Variants in IQSEC1 observed in about 807,000 individuals in gnomAD.
The protein encoded by IQSEC1 is IQ motif and Sec7 domain ArfGEF 1, also known as IQ motif and SEC7 domain-containing protein 1.
Under a neutral mutation model 91.0 loss-of-function variants are expected in IQSEC1, and 31 were observed. The observed-to-expected ratio is 0.34, with a 90% CI of 0.26 to 0.46. IQSEC1 has a LOEUF of 0.46. Among genes scored for constraint, IQSEC1 ranks in the 20% least tolerant of loss-of-function variants. IQSEC1 has a pLI of 1.00. For synonymous variants in IQSEC1, 699 were observed against 662.6 expected (o/e 1.05, Z -0.84); for missense variants, 1,388 against 1,575.6 (o/e 0.88, Z 2.02).
chr3:13,150,288 AG>A (rs1208348779), intron 2 of IQSEC1, among the ~76,000 whole-genome samples: 2 of 152,236 alleles, frequency 1.3e-5, no homozygotes, highest in Non-Finnish European at 2.9e-5. Context: ...ACACCTGGGA[AG>A]TCCTAAATCT....
At chr3:13,145,600 G>A (rs1411685697) in intron 2 of IQSEC1, among the ~76,000 whole-genome samples, 2 of 152,040 alleles carry the variant, frequency 1.3e-5, no homozygotes, top group African/African-American at 4.8e-5. Flanking sequence ...GACCGACTTG[G>A]CCCAACCATG....
Position 12,908,653 on chromosome 3 carries a change from C to T in IQSEC1, c.2579-128G>A, listed in dbSNP as rs1276219131. 2.1e-5 allele frequency: 22 copies of T among 1,053,628 alleles called. No individual in the cohort carries two copies. Among genetic ancestry groups the T allele is most frequent in the Admixed American group, 4.4e-5 (2 of 45,690 alleles). The allele number at this position is 1,053,628 out of a possible 1,614,324, so 65.3% of individuals were successfully genotyped here. ...TGCTTGGAATGGGGAAGGGTTGTTT[C>T]TGGGAAAGAGGGTGTGATGGCCACC... is the stretch of plus-strand genomic sequence containing the variant. On this transcript the variant is annotated intron_variant, in intron 11 of 13. Transcript: ENST00000613206. The surrounding 1 kb of genome is among the most constrained non-coding windows in gnomAD (Gnocchi z 4.9).
intron 2 of IQSEC1, among the ~76,000 whole-genome samples, chr3:13,154,277 C>T (rs942709198): frequency 4.7e-5 from 7 of 149,998 alleles, no homozygotes; most frequent in African/African-American, 1.7e-4. Flanking sequence ...CAAGGCTGTG[C>T]ACCCCAAGCT....
rs186073668 is a variant in IQSEC1 at position 13,119,909 on chromosome 3, C to A, written c.302+44195G>T. ...AGAATGGAAGGCCGTCCACACTCTG[C>A]CTCACTCAGCCCTGGGCAATCTCTG... On this transcript the variant is annotated intron_variant, in intron 2 of 15. Transcript: ENST00000648114. Among the ~76,000 whole-genome samples the A allele has an allele frequency of 4.0e-3, 611 of 152,294 alleles. 2 individuals carry two copies. Among genetic ancestry groups the A allele is most frequent in the South Asian group, 0.018 (89 of 4,816 alleles).
intron 2 of IQSEC1, among the ~76,000 whole-genome samples, chr3:13,118,317 C>T (rs1706369043): frequency 6.6e-6 from 1 of 151,908 alleles, no homozygotes; most frequent in Non-Finnish European, 1.5e-5. Flanking sequence ...GGGTATAGAC[C>T]CCAAAGAACT....
At chr3:13,138,443 C>T (rs1706746762) in intron 2 of IQSEC1, among the ~76,000 whole-genome samples, 1 of 152,004 alleles carries the variant, frequency 6.6e-6, no homozygotes, top group Non-Finnish European at 1.5e-5. Context: ...TTCTGCAACA[C>T]CCACCCCTGC....
intron 1 of IQSEC1, among the ~76,000 whole-genome samples, chr3:13,019,690 G>A (rs903496300): frequency 6.6e-6 from 1 of 152,182 alleles, no homozygotes; most frequent in Non-Finnish European, 1.5e-5. Flanking sequence ...CCACAGGGGC[G>A]CCTGGCAGTT....
At chr3:13,255,679 G>A (rs1695273419) in intron 1 of IQSEC1, among the ~76,000 whole-genome samples, 1 of 151,946 alleles carries the variant, frequency 6.6e-6, no homozygotes, top group Admixed American at 6.6e-5. Flanking sequence ...AGCAGCGGAG[G>A]GATCATGGCT....
chr3:13,033,183 G>C (rs992551262), intron 1 of IQSEC1, among the ~76,000 whole-genome samples: 2 of 152,142 alleles, frequency 1.3e-5, no homozygotes, highest in Non-Finnish European at 2.9e-5. Flanking sequence ...CAAACACCAG[G>C]CACATAAGCT....
chr3:13,015,086 C>T (rs1703057550), intron 1 of IQSEC1, among the ~76,000 whole-genome samples: 1 of 152,178 alleles, frequency 6.6e-6, no homozygotes, highest in South Asian at 2.1e-4. Flanking sequence ...AGGAAACACA[C>T]CAAATATGCT....
chr3:13,057,129 C>T (rs566246376), intron 1 of IQSEC1, among the ~76,000 whole-genome samples: 3 of 152,158 alleles, frequency 2.0e-5, no homozygotes, highest in African/African-American at 7.2e-5. Flanking sequence ...TACACAGAGG[C>T]CTTATCCTGA....
At chr3:13,089,958 G>A (rs1705808584) in intron 2 of IQSEC1, among the ~76,000 whole-genome samples, 4 of 152,256 alleles carry the variant, frequency 2.6e-5, no homozygotes, top group African/African-American at 9.6e-5. Context: ...GCTCACGCCT[G>A]TAATCCCAGC....
intron 1 of IQSEC1, among the ~76,000 whole-genome samples, chr3:12,954,657 TGAG>T (rs1699784032): frequency 6.6e-6 from 1 of 152,198 alleles, no homozygotes; most frequent in Non-Finnish European, 1.5e-5. Flanking sequence ...TCTCTCCCCT[TGAG>T]GAGGTCAGCT....
intron 1 of IQSEC1, 121 bp downstream of exon 1, chr3:13,072,871 T>G (rs1268433984): frequency 1.1e-6 from 1 of 880,250 alleles, no homozygotes; most frequent in African/African-American, 1.7e-5. Flanking sequence ...GCCAGCTCCC[T>G]CTGCAAGTCA....
chr3:13,188,703 A>T (rs2125029366), intron 1 of IQSEC1, among the ~76,000 whole-genome samples: 1 of 152,320 alleles, frequency 6.6e-6, no homozygotes, highest in Admixed American at 6.5e-5. Flanking sequence ...AGCTCAACCT[A>T]CCGAGCTAGA....
intron 1 of IQSEC1, among the ~76,000 whole-genome samples, chr3:13,268,940 T>C (rs991495198): frequency 3.3e-5 from 5 of 152,012 alleles, no homozygotes; most frequent in Non-Finnish European, 7.4e-5. Flanking sequence ...ATAAATATAA[T>C]CAACATAAAG....
At chr3:13,265,563 A>G (rs675152) in intron 1 of IQSEC1, among the ~76,000 whole-genome samples, 113,695 of 152,028 alleles carry the variant, frequency 0.75, 43,209 homozygotes, top group East Asian at 0.97. Flanking sequence ...GGAGTCTGGC[A>G]GTGGGCAGTC....
chr3:13,073,713 C>T (rs185126939), upstream of IQSEC1, among the ~76,000 whole-genome samples: 205 of 152,392 alleles, frequency 1.3e-3, no homozygotes, highest in Admixed American at 2.4e-3. Flanking sequence ...TTTCTGCCTT[C>T]GGCACTGAGA....
intron 1 of IQSEC1, among the ~76,000 whole-genome samples, chr3:13,267,737 C>A (rs2125139476): frequency 6.6e-6 from 1 of 152,112 alleles, no homozygotes; most frequent in Admixed American, 6.6e-5. Context: ...CCTGCCTCAG[C>A]CTCCCAAGTA....
Sources: gnomAD v4.1 joint callset for allele counts (sites outside exome capture counted in the v4.1 genomes callset) on GRCh38, gnomAD v4.1.1 for gene constraint, Gnocchi (gnomAD v3.1) non-coding constraint, MANE v1.5 for transcripts, NCBI Gene and HGNC (gene_info 2026-07-23, HGNC 2026-07-21) for gene names.